Variants in FLVCR2 observed in about 807,000 individuals in gnomAD.
FLVCR2 encodes the protein choline/ethanolamine transporter FLVCR2.
Under a neutral mutation model 48.9 loss-of-function variants are expected in FLVCR2, and 38 were observed. The observed-to-expected ratio is 0.78, with a 90% confidence interval of 0.60 to 1.02. The LOEUF (loss-of-function observed/expected upper bound fraction) is 1.02. FLVCR2 is among the 50% of genes least tolerant of loss of function. The pLI is 0.00. For missense variants in FLVCR2, 664 were observed against 663.3 expected (o/e 1.00, Z -0.01); for synonymous variants, 255 against 257.0 (o/e 0.99, Z 0.07).
chr14:75,642,040 G>A (rs1890317407), intron 9 of FLVCR2, 142 bp downstream of exon 9: 4 of 758,092 alleles, frequency 5.3e-6, no homozygotes, highest in Non-Finnish European at 7.0e-6. Flanking sequence ...CTTACACATG[G>A]CATCCTAAGA....
intron 1 of FLVCR2, among the ~76,000 whole-genome samples, chr14:75,586,695 C>T (rs556369464): frequency 2.6e-4 from 39 of 152,176 alleles, no homozygotes; most frequent in African/African-American, 7.7e-4. Flanking sequence ...ATCACCATAA[C>T]GCTTGTACTC....
intron 1 of FLVCR2, among the ~76,000 whole-genome samples, chr14:75,594,930 C>A (rs1451037975): frequency 2.0e-5 from 3 of 152,040 alleles, no homozygotes; most frequent in African/African-American, 7.3e-5. Context: ...GTTGTGCAGG[C>A]TGGTCTTGAA....
At chr14:75,587,288 G>A (rs1184735057) in intron 1 of FLVCR2, among the ~76,000 whole-genome samples, 4 of 152,098 alleles carry the variant, frequency 2.6e-5, no homozygotes, top group South Asian at 2.1e-4. Context: ...GCCACTCTCA[G>A]TAGGCCAGTA....
chr14:75,623,167 A>G (rs1233834713), intron 2 of FLVCR2, among the ~76,000 whole-genome samples: 2 of 151,994 alleles, frequency 1.3e-5, no homozygotes, highest in Non-Finnish European at 2.9e-5. Flanking sequence ...TTTTTAGTAG[A>G]GACAGGGTTT....
chr14:75,640,176 T>A (rs1890274215), intron 6 of FLVCR2, among the ~76,000 whole-genome samples: 1 of 144,896 alleles, frequency 6.9e-6, no homozygotes, highest in Non-Finnish European at 1.5e-5. Context: ...GGAGAATCGC[T>A]GGCACCTGGG....
At chr14:75,619,808 C>T (rs772224905) in intron 1 of FLVCR2, among the ~76,000 whole-genome samples, 11 of 152,152 alleles carry the variant, frequency 7.2e-5, no homozygotes, top group Non-Finnish European at 1.5e-4. Flanking sequence ...GCTTAAAAGC[C>T]GGAGTTGGGG....
chr14:75,593,703 A>G lies in FLVCR2; in HGVS notation c.669+14062A>G, dbSNP rs534344526. Among the ~76,000 whole-genome samples, 345 of 152,362 alleles carry G rather than the reference A, an allele frequency of 2.3e-3. 1 individual carries two copies. The highest frequency in any genetic ancestry group is 7.9e-3 in the African/African-American group (329 of 41,596). On this transcript the variant is annotated intron_variant, in intron 1 of 9. Transcript: ENST00000238667. ...CAAACTCAGATCATATCCGAACCAT[A>G]GCACTTGTCCTCAAGGCCCCAGCCT...
chr14:75,595,833 A>C (rs1889005753), intron 1 of FLVCR2: 1 of 900,100 alleles, frequency 1.1e-6, no homozygotes, highest in Admixed American at 1.7e-5. Context: ...GCCAGCACCA[A>C]CATTGGCCTT....
chr14:75,595,867 T>G, intron 1 of FLVCR2: 1 of 1,043,592 alleles, frequency 9.6e-7, no homozygotes, highest in Non-Finnish European at 1.5e-6. Flanking sequence ...ACTTTCCTCA[T>G]TCTGTTCTTG....
At chr14:75,589,230 C>G (rs1888826371) in intron 1 of FLVCR2, among the ~76,000 whole-genome samples, 2 of 151,988 alleles carry the variant, frequency 1.3e-5, no homozygotes, top group African/African-American at 4.8e-5. Flanking sequence ...AAACATCCCC[C>G]CAAAACTAAC....
At chr14:75,599,327 C>G (rs1421742182) in intron 1 of FLVCR2, among the ~76,000 whole-genome samples, 1 of 102,014 alleles carries the variant, frequency 9.8e-6, no homozygotes, top group Non-Finnish European at 2.0e-5. Context: ...ATGTACAACA[C>G]CCCCCCCCAA....
At position 75,646,536 on chromosome 14, in the gene FLVCR2, C is replaced by T; in HGVS notation, c.*64C>T. On this transcript the variant is annotated 3_prime_UTR_variant, in exon 10 of 10. Coordinates refer to ENST00000238667, the MANE Select transcript of FLVCR2 (RefSeq NM_017791.3). ...ACCTTTTCCTTCAGCACAGCTCTCA[C>T]CGCCAGCACAAAGGGCTTCGCTAGA... 5 of 1,185,880 alleles carry T rather than the reference C, an allele frequency of 4.2e-6. No homozygotes were observed. The highest frequency in any genetic ancestry group is 6.3e-6 in the Non-Finnish European group (5 of 792,252). 73.5% of individuals were successfully genotyped at this position (1,185,880 alleles called of 1,614,324 possible). A position where few individuals can be genotyped will look rare whatever the true frequency, so the allele number is the denominator to read the frequency against.
At chr14:75,581,086 A>G (rs1256491168) in intron 1 of FLVCR2, among the ~76,000 whole-genome samples, 6 of 152,130 alleles carry the variant, frequency 3.9e-5, no homozygotes, top group Non-Finnish European at 8.8e-5. Flanking sequence ...AGTGGGAGAG[A>G]CTCAGCTGAA....
At chr14:75,609,944 G>C (rs1302225413) in intron 1 of FLVCR2, among the ~76,000 whole-genome samples, 3 of 152,198 alleles carry the variant, frequency 2.0e-5, no homozygotes, top group East Asian at 1.9e-4. Flanking sequence ...GAAGACCGGA[G>C]AATCCCTCTG....
intron 1 of FLVCR2, among the ~76,000 whole-genome samples, chr14:75,612,880 G>A (rs1272152707): frequency 6.6e-6 from 1 of 152,224 alleles, no homozygotes; most frequent in East Asian, 1.9e-4. Context: ...TCCACTTGAG[G>A]TCTTGGAGCC....
intron 1 of FLVCR2, among the ~76,000 whole-genome samples, chr14:75,614,446 CA>C (rs1475060532): frequency 6.6e-6 from 1 of 152,188 alleles, no homozygotes; most frequent in African/African-American, 2.4e-5. Flanking sequence ...TAGAGCAAGG[CA>C]ATCACGCCTA....
At chr14:75,582,534 C>T (rs530910216) in intron 1 of FLVCR2, among the ~76,000 whole-genome samples, 5 of 152,166 alleles carry the variant, frequency 3.3e-5, no homozygotes, top group East Asian at 1.9e-4. Flanking sequence ...AGGGCAGTGG[C>T]GGCTGCCACA....
rs187431635 is a variant in FLVCR2 at position 75,581,679 on chromosome 14, G to T, written c.669+2038G>T. On this transcript the variant is annotated intron_variant, in intron 1 of 9. Transcript: ENST00000238667. The stretch of plus-strand genomic sequence containing the variant: ...CAGTGAAAGTGTCTACCCAGACCAA[G>T]AGGTATTTTAGTTTCCTGACTCGGG... Among the ~76,000 whole-genome samples, 23 of 152,340 alleles carry T rather than the reference G, an allele frequency of 1.5e-4. No individual in the cohort carries two copies. The East Asian group carries it at 4.2e-3, about 28-fold the overall frequency.
At chr14:75,582,207 G>A (rs2140001540) in intron 1 of FLVCR2, among the ~76,000 whole-genome samples, 1 of 152,308 alleles carries the variant, frequency 6.6e-6, no homozygotes, top group African/African-American at 2.4e-5. Context: ...AAGCAGCCTT[G>A]AGAAGAGTTT....
Sources: allele counts gnomAD v4.1 joint callset (sites outside exome capture counted in the v4.1 genomes callset), GRCh38; gene constraint gnomAD v4.1.1; transcripts MANE v1.5; gene names NCBI Gene and HGNC (gene_info 2026-07-23, HGNC 2026-07-21).